MPP7: variants seen among roughly 807,000 people sequenced by gnomAD.
MPP7 encodes MAGUK p55 scaffold protein 7.
A neutral mutation model predicts 76.5 loss-of-function variants in MPP7; 60 were observed. The observed-to-expected ratio is 0.78, with a 90% confidence interval of 0.64 to 0.97. The LOEUF is 0.97. Ranked by LOEUF, MPP7 falls within the 50% of genes least tolerant of loss-of-function variation. MPP7 has a pLI of 0.00. For synonymous variants in MPP7, 237 were observed against 244.5 expected (o/e 0.97, Z 0.29); for missense variants, 641 against 694.0 (o/e 0.92, Z 0.86).
chr10:28,077,112 GA>G (rs147574850), intron 12 of MPP7, among the ~76,000 whole-genome samples: 2,258 of 148,108 alleles, frequency 0.015, 62 homozygotes, highest in African/African-American at 0.053. Context: ...ACTCTCTAGG[GA>G]AAAAAAAACT....
At chr10:28,265,042 T>C (rs750292651) in intron 1 of MPP7, among the ~76,000 whole-genome samples, 2 of 152,100 alleles carry the variant, frequency 1.3e-5, no homozygotes, top group Non-Finnish European at 2.9e-5. Flanking sequence ...ATTCAAGAGA[T>C]AGAACAGTAC....
intron 1 of MPP7, among the ~76,000 whole-genome samples, chr10:28,277,764 T>C (rs1024595954): frequency 5.3e-5 from 8 of 151,938 alleles, no homozygotes; most frequent in African/African-American, 1.9e-4. Flanking sequence ...AGTGATGAGA[T>C]TAGAATACAA....
Position 28,054,261 on chromosome 10 carries a change from TA to T in MPP7, c.1552-18del. ...ATCTTCTTCCTACAAAAGGAAGTATTAAAAAAATAATTGGTTAACCAGGCCA... is the reference window on the plus strand; with the variant it reads ...ATCTTCTTCCTACAAAAGGAAGTATTAAAAAATAATTGGTTAACCAGGCCA... On this transcript the variant is annotated intron_variant, in intron 16 of 16. Transcript: ENST00000683449. The T allele has an allele frequency of 2.0e-6, 3 of 1,484,414 alleles. No individual in the cohort carries two copies. The highest frequency in any genetic ancestry group is 2.8e-6 in the Non-Finnish European group (3 of 1,087,694). 92.0% of individuals were successfully genotyped at this position (1,484,414 alleles called of 1,614,324 possible). A position where few individuals can be genotyped will look rare whatever the true frequency, so the allele number is the denominator to read the frequency against.
chr10:28,242,027 T>G (rs1285047076), intron 1 of MPP7, among the ~76,000 whole-genome samples: 2 of 152,188 alleles, frequency 1.3e-5, no homozygotes, highest in African/African-American at 4.8e-5. Flanking sequence ...AAAACTTGTT[T>G]TCAGTAAATA....
chr10:28,243,324 T>C (rs1347545648), intron 1 of MPP7, among the ~76,000 whole-genome samples: 4 of 152,072 alleles, frequency 2.6e-5, no homozygotes, highest in Admixed American at 2.0e-4. Flanking sequence ...AAGTCCCCAC[T>C]TTGCACTGGT....
At chr10:28,298,348 T>G (rs1841078953) in intron 1 of MPP7, among the ~76,000 whole-genome samples, 1 of 152,044 alleles carries the variant, frequency 6.6e-6, no homozygotes, top group Non-Finnish European at 1.5e-5. Context: ...GGGTACAGAG[T>G]GGATGTTGTG....
rs540731402 is a variant in MPP7, at chr10:28,158,574, C to T, written c.157-8515G>A. 3.7e-3 allele frequency among the ~76,000 whole-genome samples: 568 copies of T among 152,246 alleles called. 2 individuals carry two copies. The highest frequency in any genetic ancestry group is 5.3e-3 in the Non-Finnish European group (361 of 68,010). ...GCAGCAGACTAGCTGATTTTCCTTT[C>T]GTGTTTCTCTAATCAAGGTGACAAG... is the stretch of plus-strand genomic sequence containing the variant. On this transcript the variant is annotated intron_variant, in intron 3 of 16. Coordinates refer to ENST00000683449, the MANE Select transcript of MPP7 (RefSeq NM_001318170.2).
At chr10:28,166,930 C>T (rs1836484519) in intron 3 of MPP7, among the ~76,000 whole-genome samples, 1 of 152,090 alleles carries the variant, frequency 6.6e-6, no homozygotes, top group Admixed American at 6.5e-5. Context: ...CTACATAATA[C>T]TTTGTTCTGC....
intron 5 of MPP7, among the ~76,000 whole-genome samples, chr10:28,144,156 T>G (rs561705876): frequency 5.7e-4 from 87 of 152,238 alleles, no homozygotes; most frequent in Non-Finnish European, 1.1e-3. Context: ...CCCAAAGTGC[T>G]AGTGCTCTAT....
intron 2 of MPP7, among the ~76,000 whole-genome samples, chr10:28,203,927 A>AT (rs1343193330): frequency 2.0e-5 from 3 of 152,230 alleles, no homozygotes; most frequent in African/African-American, 4.8e-5. Context: ...TCCCTGTCAC[A>AT]TAAAAAGTAC....
At chr10:28,223,059 G>C in intron 2 of MPP7, among the ~76,000 whole-genome samples, 1 of 148,544 alleles carries the variant, frequency 6.7e-6, no homozygotes, top group East Asian at 2.0e-4. Context: ...GCTTGAACCC[G>C]GGAGGCAGAG....
intron 2 of MPP7, among the ~76,000 whole-genome samples, chr10:28,315,700 TA>T (rs1834314151): frequency 6.6e-6 from 1 of 152,146 alleles, no homozygotes; most frequent in African/African-American, 2.4e-5. Flanking sequence ...TTTATGTAAA[TA>T]CTCCATCCTC....
At chr10:28,120,130 T>C in intron 10 of MPP7, 64 bp downstream of exon 10, 1 of 1,501,144 alleles carries the variant, frequency 6.7e-7, no homozygotes. Context: ...AATGCCAGAA[T>C]GATATTTTGC....
intron 11 of MPP7, among the ~76,000 whole-genome samples, chr10:28,099,603 G>A (rs942030474): frequency 1.3e-5 from 2 of 152,032 alleles, no homozygotes; most frequent in African/African-American, 2.4e-5. Context: ...TCGGGAGTTC[G>A]AGGCTAGCCT....
chr10:28,281,341 G>A (rs541302322), intron 1 of MPP7, among the ~76,000 whole-genome samples: 3 of 151,942 alleles, frequency 2.0e-5, no homozygotes, highest in African/African-American at 7.3e-5. Flanking sequence ...CACCCACCTC[G>A]GCCTCCCAAA....
chr10:28,100,194 G>A (rs558851266), intron 11 of MPP7, among the ~76,000 whole-genome samples: 35 of 150,270 alleles, frequency 2.3e-4, no homozygotes, highest in African/African-American at 8.5e-4. Context: ...TTAGGTTTCT[G>A]ACAACCAAAC....
At chr10:28,246,969 G>A (rs1482863856) in intron 1 of MPP7, among the ~76,000 whole-genome samples, 1 of 152,118 alleles carries the variant, frequency 6.6e-6, no homozygotes, top group Non-Finnish European at 1.5e-5. Context: ...AACATGTGAT[G>A]GATATACAGC....
chr10:28,057,706 G>C (rs1851617215), intron 15 of MPP7: 1 of 1,276,794 alleles, frequency 7.8e-7, no homozygotes, highest in South Asian at 1.2e-5. Flanking sequence ...CCCAAGTCAG[G>C]AGGCAGCCTT....
chr10:28,203,929 A>G (rs914408050), intron 2 of MPP7, among the ~76,000 whole-genome samples: 1 of 152,220 alleles, frequency 6.6e-6, no homozygotes, highest in Non-Finnish European at 1.5e-5. Flanking sequence ...CCTGTCACAT[A>G]AAAAGTACTC....
Sources: gnomAD v4.1 joint callset for allele counts (sites outside exome capture counted in the v4.1 genomes callset) on GRCh38, gnomAD v4.1.1 for gene constraint, MANE v1.5 for transcripts, NCBI Gene and HGNC (gene_info 2026-07-23, HGNC 2026-07-21) for gene names.